Variants in PNPLA3 observed in about 807,000 individuals in gnomAD.
The protein encoded by PNPLA3 is 1-acylglycerol-3-phosphate O-acyltransferase PNPLA3.
Under a neutral mutation model 43.1 loss-of-function variants are expected in PNPLA3, and 42 were observed. The ratio of observed to expected loss-of-function variants is 0.97; its 90% CI spans 0.76 to 1.26. PNPLA3 has a LOEUF of 1.26. Among genes scored for constraint, PNPLA3 ranks in the 50% most tolerant of loss-of-function variants. The pLI, the probability that PNPLA3 is intolerant of heterozygous loss-of-function variation, is 0.00. For missense variants in PNPLA3, 647 were observed against 621.4 expected (o/e 1.04, Z -0.44); for synonymous variants, 272 against 253.6 (o/e 1.07, Z -0.69).
chr22:43,946,155 T>C lies in PNPLA3; in HGVS notation c.1219T>C (p.Ser407Pro), dbSNP rs1468711922. 1.9e-6 allele frequency: 3 copies of C among 1,612,046 alleles called. No individual in the cohort carries two copies. The highest frequency in any genetic ancestry group is 2.5e-6 in the Non-Finnish European group (3 of 1,178,426). Residue 407 changes from serine to proline, a missense_variant and splice_region_variant, in exon 9 of 9, where the codon TCC (serine) becomes CCC (proline). By Grantham distance (74) the Ser-to-Pro change is moderately conservative. Coordinates refer to ENST00000216180, the MANE Select transcript of PNPLA3 (RefSeq NM_025225.3). ...VLMCLLPASR[S>P]QMPVSSQQAS... is the part of the protein sequence containing the mutation. ...GCCAACTTCCTCCATGTGTTTCAGG[T>C]CCCAAATGCCAGTGAGCAGCCAACA...
intron 7 of PNPLA3, among the ~76,000 whole-genome samples, chr22:43,940,452 G>C (rs553658861): frequency 6.6e-6 from 1 of 152,236 alleles, no homozygotes; most frequent in Non-Finnish European, 1.5e-5. Context: ...CCATAGAGAT[G>C]CCTAGTAGAA....
chr22:43,940,672 G>T (rs993812621), intron 7 of PNPLA3, among the ~76,000 whole-genome samples: 7 of 151,990 alleles, frequency 4.6e-5, no homozygotes, highest in Non-Finnish European at 1.5e-5. Context: ...AGTGGAGCAT[G>T]GTGGCACGTG....
In PNPLA3 at chr22:43,939,891, C is replaced by A. The variant is rs192356554; in HGVS notation, c.980-102C>A. 3 of 1,551,126 alleles carry A rather than the reference C, an allele frequency of 1.9e-6. No individual in the cohort carries two copies. The East Asian group carries it at 6.8e-5, about 35-fold the overall frequency. On this transcript the variant is annotated intron_variant, in intron 6 of 8. Coordinates refer to ENST00000216180, the MANE Select transcript of PNPLA3 (RefSeq NM_025225.3). The stretch of plus-strand genomic sequence containing the variant: ...GTGAGTGCCTCTGACCCTTTGGCTG[C>A]CAGGACGGGCGTATTTTATGGAAAT...
Position 43,946,249 on chromosome 22 carries a change from C to T in PNPLA3, c.1313C>T (p.Ala438Val). The T allele has an allele frequency of 6.2e-7, 1 of 1,614,184 alleles. No individual in the cohort carries two copies. The highest frequency in any genetic ancestry group is 2.2e-5 in the East Asian group (1 of 44,874). Residue 438 changes from alanine (A) to valine (V), a missense_variant, in exon 9 of 9, where the codon GCA (alanine) becomes GTA (valine). Transcript: ENST00000216180. ...WTPCSPKGCP[A>V]ETKAEATPRS... is the part of the protein sequence containing the mutation. ...CCCTGCTCCCCCAAGGGCTGTCCAG[C>T]AGAGACCAAAGCAGAGGCCACCCCG... is the stretch of plus-strand genomic sequence containing the variant.
At chr22:43,941,835 A>G (rs1236410457) in intron 7 of PNPLA3, among the ~76,000 whole-genome samples, 1 of 151,238 alleles carries the variant, frequency 6.6e-6, no homozygotes, top group Non-Finnish European at 1.5e-5. Context: ...CCTGGACTGA[A>G]AGAAAAATAT....
intron 5 of PNPLA3, among the ~76,000 whole-genome samples, chr22:43,936,116 T>C (rs1892438604): frequency 6.6e-6 from 1 of 151,736 alleles, no homozygotes. Context: ...TGCCCATGGG[T>C]TGAGGGTTGA....
intron 2 of PNPLA3, 105 bp downstream of exon 2, chr22:43,927,272 G>C: frequency 1.9e-6 from 2 of 1,046,152 alleles, no homozygotes; most frequent in Non-Finnish European, 1.4e-6. Flanking sequence ...GCCGAAGCGG[G>C]TGGGTTGCTT....
rs1336902499 is a variant in PNPLA3, at chr22:43,924,061, G to C, written c.150G>C (p.Ala50=). Residue 50 remains alanine (A), a synonymous_variant, in exon 1 of 9, where the codon GCG becomes GCC. Coordinates refer to ENST00000216180, the MANE Select transcript of PNPLA3 (RefSeq NM_025225.3). The stretch of plus-strand genomic sequence containing the variant: ...TGTTGTTCGGCGCTTCGGCCGGGGC[G>C]TTGCACTGCGTCGGCGTCCTCTCCG... ...ARMLFGASAG[A]LHCVGVLSGI... is the part of the protein sequence containing the mutation. 6 of 1,574,156 alleles carry C rather than the reference G, an allele frequency of 3.8e-6. No individual in the cohort carries two copies. The highest frequency in any genetic ancestry group is 5.1e-6 in the Non-Finnish European group (6 of 1,169,592).
chr22:43,926,674 T>C (rs947640042), intron 1 of PNPLA3, among the ~76,000 whole-genome samples: 1 of 151,248 alleles, frequency 6.6e-6, no homozygotes, highest in Non-Finnish European at 1.5e-5. Context: ...CAAAATAATA[T>C]CATTTTCACA....
rs1005930112 is a variant in PNPLA3, at chr22:43,931,589, C to A, written c.487-1289C>A. Among the ~76,000 whole-genome samples, 3 of 152,276 alleles carry A rather than the reference C, an allele frequency of 2.0e-5. 1 individual carries two copies. Among genetic ancestry groups the A allele is most frequent in the Middle Eastern group, 6.8e-3 (2 of 294 alleles). On this transcript the variant is annotated intron_variant, in intron 3 of 8. Coordinates refer to ENST00000216180, the MANE Select transcript of PNPLA3 (RefSeq NM_025225.3). ...GGAGTGCAGTGGCGCGATCTCAGCT[C>A]ACTGCAACCCTCGGCTCCTGGGTTT...
chr22:43,939,637 A>C (rs2050018329), intron 6 of PNPLA3, among the ~76,000 whole-genome samples: 1 of 152,178 alleles, frequency 6.6e-6, no homozygotes, highest in African/African-American at 2.4e-5. Flanking sequence ...CAACATGGTG[A>C]AACTCCATCT....
At chr22:43,929,204 G>A (rs757437783) in intron 3 of PNPLA3, among the ~76,000 whole-genome samples, 2 of 152,128 alleles carry the variant, frequency 1.3e-5, no homozygotes, top group Non-Finnish European at 2.9e-5. Context: ...GGCCAGGCGC[G>A]GTGGCTCATG....
intron 1 of PNPLA3, among the ~76,000 whole-genome samples, chr22:43,926,342 A>G (rs2049921928): frequency 6.6e-6 from 1 of 152,168 alleles, no homozygotes; most frequent in African/African-American, 2.4e-5. Context: ...GCATGCCAGG[A>G]GAGTGCAGAT....
intron 1 of PNPLA3, 33 bp from the exon 2 acceptor site, chr22:43,926,902 A>T: frequency 6.3e-7 from 1 of 1,577,780 alleles, no homozygotes; most frequent in Non-Finnish European, 8.7e-7. Flanking sequence ...CCAGTGTGGT[A>T]CATTCTTTCA....
At chr22:43,931,137 C>A (rs559968346) in intron 3 of PNPLA3, among the ~76,000 whole-genome samples, 155 of 151,620 alleles carry the variant, frequency 1.0e-3, no homozygotes, top group South Asian at 1.7e-3. Flanking sequence ...ACAAACAAAA[C>A]AAAACAAAAC....
chr22:43,933,121 G>T lies in PNPLA3; in HGVS notation c.696+34G>T, dbSNP rs543313619. On this transcript the variant is annotated intron_variant, in intron 4 of 8. Coordinates refer to ENST00000216180, the MANE Select transcript of PNPLA3 (RefSeq NM_025225.3). Reference sequence around the variant, plus strand: ...GTGGTGAGGGGGCAGGTGTTCTGGGGTGCAGCTCTTCTTTGCCTCCCTGAT... The same window carrying T: ...GTGGTGAGGGGGCAGGTGTTCTGGGTTGCAGCTCTTCTTTGCCTCCCTGAT... 17 of 1,586,936 alleles carry T rather than the reference G, an allele frequency of 1.1e-5. No individual in the cohort carries two copies. In the African/African-American group the frequency reaches 2.0e-4, roughly 19 times the overall value.
intron 7 of PNPLA3, 42 bp from the exon 8 acceptor site, chr22:43,944,649 C>T (rs759753294): frequency 6.6e-7 from 1 of 1,516,774 alleles, no homozygotes; most frequent in Admixed American, 1.7e-5. Context: ...GCTGTTGTGT[C>T]TGCCTATGTG....
intron 3 of PNPLA3, 89 bp downstream of exon 3, chr22:43,928,978 C>A: frequency 7.6e-7 from 1 of 1,318,494 alleles, no homozygotes; most frequent in Non-Finnish European, 1.1e-6. Flanking sequence ...TGGTGTCGGG[C>A]ACCTCAGGGT....
Position 43,926,938 on chromosome 22 carries a change from A to C in PNPLA3, c.191A>C (p.Gln64Pro), listed in dbSNP as rs767176081. 1.9e-6 allele frequency: 3 copies of C among 1,613,818 alleles called. 1 individual carries two copies. The South Asian group carries it at 3.3e-5, about 18-fold the overall frequency. The change falls in exon 2 of 9, where the codon CAG (glutamine) becomes CCG (proline). Residue 64 changes from glutamine (Q) to proline (P), a missense_variant. Gln to Pro is a moderately conservative substitution (Grantham distance 76, BLOSUM62 -1). Transcript: ENST00000216180. ...VGVLSGIPLE[Q>P]TLQVLSDLVR... ...TGTATTTGTCTCCTGTCCCCAGAGC[A>C]GACTCTGCAGGTCCTCTCAGATCTT... is the stretch of plus-strand genomic sequence containing the variant.
Sources: allele counts gnomAD v4.1 joint callset (sites outside exome capture counted in the v4.1 genomes callset), GRCh38; gene constraint gnomAD v4.1.1; transcripts MANE v1.5; gene names NCBI Gene and HGNC (gene_info 2026-07-23, HGNC 2026-07-21).